PIGP: variants seen among roughly 807,000 people sequenced by gnomAD.
PIGP encodes phosphatidylinositol glycan anchor biosynthesis class P, also known as phosphatidylinositol N-acetylglucosaminyltransferase subunit P.
A neutral mutation model predicts 16.9 loss-of-function variants in PIGP; 12 were observed. The observed-to-expected ratio is 0.71, with a 90% CI of 0.46 to 1.15. The LOEUF (loss-of-function observed/expected upper bound fraction) is 1.15. Ranked by LOEUF, PIGP falls within the 50% of genes most tolerant of loss-of-function variation. The pLI, the probability that PIGP is intolerant of heterozygous loss-of-function variation, is 0.00. For synonymous variants in PIGP, 57 were observed against 54.7 expected, an observed-to-expected ratio of 1.04 and a Z score of -0.18; for missense variants, 159 against 153.5, an observed-to-expected ratio of 1.04 and a Z score of -0.19.
At chr21:37,072,781 C>G in intron 1 of PIGP, 1 of 592,350 alleles carries the variant, frequency 1.7e-6, no homozygotes, top group Non-Finnish European at 2.9e-6. Flanking sequence ...GACGCGCGCT[C>G]CAGCTCTGCA....
intron 3 of PIGP, 76 bp downstream of exon 3, chr21:37,069,476 G>T: frequency 1.2e-6 from 1 of 816,332 alleles, no homozygotes; most frequent in African/African-American, 1.7e-5. Context: ...TTAAGATTTG[G>T]GTAGGTTTAA....
At position 37,067,952 on chromosome 21, in the gene PIGP, G is replaced by A. The variant is rs2069934900; in HGVS notation, c.156-572C>T. ...TACCAGAGCCTCAAATTCTCTGATA[G>A]GACTCTATTATGCCTCTCAGTATCA... On this transcript the variant is annotated intron_variant, in intron 3 of 4. Coordinates refer to ENST00000360525, the MANE Select transcript of PIGP (RefSeq NM_153682.3). Among the ~76,000 whole-genome samples, 3 of 151,272 alleles carry A rather than the reference G, an allele frequency of 2.0e-5. No individual in the cohort carries two copies. The South Asian group carries it at 6.2e-4, about 31-fold the overall frequency.
chr21:37,069,516 A>G (rs750224510), intron 3 of PIGP, 36 bp downstream of exon 3: 1 of 1,266,746 alleles, frequency 7.9e-7, no homozygotes, highest in South Asian at 1.4e-5. Context: ...AAACAGCATT[A>G]ATTATATCCT....
intron 2 of PIGP, among the ~76,000 whole-genome samples, chr21:37,071,601 T>G (rs1291049291): frequency 6.6e-6 from 1 of 152,216 alleles, no homozygotes; most frequent in Non-Finnish European, 1.5e-5. Context: ...CTGCAAGCTG[T>G]GCTGATGGTG....
rs2070239782 is a variant in PIGP, at chr21:37,073,056, A to C, written c.-79T>G. The C allele has an allele frequency of 6.4e-6, 1 of 157,158 alleles. No homozygotes were observed. The highest frequency in any genetic ancestry group is 1.9e-4 in the East Asian group (1 of 5,294). The allele number at this position is 157,158 out of a possible 1,614,324, so 9.7% of individuals were successfully genotyped here. On this transcript the variant is annotated 5_prime_UTR_variant, in exon 1 of 5. Transcript: ENST00000360525. ...CTGGGGAGCCGCAGTGGGGAAGAGG[A>C]AAACCTGAGGGAAAGGCCTAGGCGC...
intron 4 of PIGP, 134 bp from the exon 5 acceptor site, chr21:37,065,846 G>A: frequency 3.1e-6 from 2 of 652,956 alleles, no homozygotes; most frequent in South Asian, 4.0e-5. Context: ...AACATAATTA[G>A]ATGATTACTT....
rs1569300430 is a variant in PIGP, at chr21:37,072,426, GT to G, written c.82+7del. 1 of 1,614,134 alleles carries G rather than the reference GT, an allele frequency of 6.2e-7. No homozygotes were observed. On this transcript the variant is annotated splice_region_variant and intron_variant, in intron 2 of 4. Coordinates refer to ENST00000360525, the MANE Select transcript of PIGP (RefSeq NM_153682.3). Reference sequence around the variant, plus strand: ...AAGCCCCTGGCCATCCATCAGGAAAGTACTTACTGAAGCCAAATTGGGAGCT... The same window carrying G: ...AAGCCCCTGGCCATCCATCAGGAAAGACTTACTGAAGCCAAATTGGGAGCT...
chr21:37,069,092 G>T (rs1474863353), intron 3 of PIGP, among the ~76,000 whole-genome samples: 1 of 152,280 alleles, frequency 6.6e-6, no homozygotes, highest in Non-Finnish European at 1.5e-5. Context: ...GTTCAACCCA[G>T]AATTAAAGAG....
chr21:37,065,706 T>A lies in PIGP; in HGVS notation c.281A>T (p.Tyr94Phe), dbSNP rs16994704. 1 of 1,612,640 alleles carries A rather than the reference T, an allele frequency of 6.2e-7. No homozygotes were observed. Among genetic ancestry groups the A allele is most frequent in the East Asian group, 2.2e-5 (1 of 44,786 alleles). Residue 94 changes from tyrosine (Y) to phenylalanine (F), a missense_variant, in exon 5 of 5, where the codon TAT becomes TTT. Physicochemically the swap from Tyr to Phe is conservative, Grantham distance 22 (BLOSUM62 3). Coordinates refer to ENST00000360525, the MANE Select transcript of PIGP (RefSeq NM_153682.3). ...LDSIHTITDNYAKNQQQKKYQ... is the reference protein window; with the variant it reads ...LDSIHTITDNFAKNQQQKKYQ... ...TTTCTTCTGCTGTTGATTTTTTGCA[T>A]AGTTATCTGTAAGAAAAGACCAAAA...
intron 3 of PIGP, among the ~76,000 whole-genome samples, chr21:37,067,764 C>A (rs570593158): frequency 6.6e-6 from 1 of 152,150 alleles, no homozygotes; most frequent in East Asian, 1.9e-4. Flanking sequence ...ATTGCAATTT[C>A]TCATTATAGC....
Position 37,072,186 on chromosome 21 carries a change from G to A in PIGP, c.82+248C>T, listed in dbSNP as rs914207759. On this transcript the variant is annotated intron_variant, in intron 2 of 4. Coordinates refer to ENST00000360525, the MANE Select transcript of PIGP (RefSeq NM_153682.3). ...CAAGACCACGACCTCCTTAAGGGCA[G>A]GGACCAGGCTTTATCCACTTTGCCA... is the stretch of plus-strand genomic sequence containing the variant. 4.0e-6 allele frequency: 6 copies of A among 1,515,488 alleles called. No homozygotes were observed. The Admixed American group carries it at 6.7e-5, about 17-fold the overall frequency. The allele number at this position is 1,515,488 out of a possible 1,614,324, so 93.9% of individuals were successfully genotyped here. A position where few individuals can be genotyped will look rare whatever the true frequency, so the allele number is the denominator to read the frequency against.
At position 37,066,357 on chromosome 21, in the gene PIGP, A is replaced by C. The variant is rs114204924; in HGVS notation, c.275-645T>G. ...TTTCCCCTCTTTGCACAAATTACCT[A>C]TTTGCTGCCAATTCCAATCAAGAAT... On this transcript the variant is annotated intron_variant, in intron 4 of 4. Coordinates refer to ENST00000360525, the MANE Select transcript of PIGP (RefSeq NM_153682.3). 8.3e-3 allele frequency among the ~76,000 whole-genome samples: 1,264 copies of C among 152,266 alleles called. 19 individuals carry two copies. Among genetic ancestry groups the C allele is most frequent in the African/African-American group, 0.029 (1,192 of 41,564 alleles).
chr21:37,068,235 C>G (rs144491676), intron 3 of PIGP, among the ~76,000 whole-genome samples: 2 of 150,288 alleles, frequency 1.3e-5, no homozygotes, highest in Non-Finnish European at 3.0e-5. Context: ...GATTTGTTCT[C>G]TATTATTTTC....
Position 37,072,647 on chromosome 21 carries a change from TCCCGCGCC to T in PIGP, c.-22-118_-22-111del, listed in dbSNP as rs1185646064. On this transcript the variant is annotated intron_variant, in intron 1 of 4. Transcript: ENST00000360525. ...ACGGCCCCCGCCGCGCAGAACCGCC[TCCCGCGCC>T]TCCGTCCGCAACCCGCGCCCCCGCC... is the stretch of plus-strand genomic sequence containing the variant. 347 of 1,572,816 alleles carry T rather than the reference TCCCGCGCC, an allele frequency of 2.2e-4. 1 individual carries two copies. The African/African-American group carries it at 4.4e-3, about 20-fold the overall frequency.
chr21:37,066,171 G>C (rs1233623665), intron 4 of PIGP, among the ~76,000 whole-genome samples: 1 of 151,606 alleles, frequency 6.6e-6, no homozygotes, highest in African/African-American at 2.4e-5. Flanking sequence ...CTCTAACTTG[G>C]AAAGAAATCA....
At chr21:37,067,724 T>A (rs1468161485) in intron 3 of PIGP, among the ~76,000 whole-genome samples, 1 of 152,228 alleles carries the variant, frequency 6.6e-6, no homozygotes, top group African/African-American at 2.4e-5. Flanking sequence ...GATAAGGAAT[T>A]AACCTCCTCC....
In PIGP at chr21:37,072,434, T is replaced by C. The variant is rs375492760; in HGVS notation, c.82A>G (p.Ile28Val). 5.0e-6 allele frequency: 8 copies of C among 1,614,072 alleles called. No individual in the cohort carries two copies. In the African/African-American group the frequency reaches 1.1e-4, roughly 22 times the overall value. Residue 28 changes from isoleucine to valine, a missense_variant and splice_region_variant, in exon 2 of 5, where the codon ATA (isoleucine) becomes GTA (valine). Transcript: ENST00000360525. Reference protein sequence around the residue: ...VLFLSSQFGFILYLVWAFIPE... With the variant: ...VLFLSSQFGFVLYLVWAFIPE... ...GGCCATCCATCAGGAAAGTACTTACTGAAGCCAAATTGGGAGCTTAAGAAA... is the reference window on the plus strand; with the variant it reads ...GGCCATCCATCAGGAAAGTACTTACCGAAGCCAAATTGGGAGCTTAAGAAA...
chr21:37,071,783 C>T (rs1374671956), intron 2 of PIGP, among the ~76,000 whole-genome samples: 1 of 152,086 alleles, frequency 6.6e-6, no homozygotes, highest in Admixed American at 6.6e-5. Context: ...TGTGAGTGGG[C>T]ATATTAGTGT....
intron 1 of PIGP, 76 bp from the exon 2 acceptor site, chr21:37,072,613 G>T: frequency 6.2e-7 from 1 of 1,603,758 alleles, no homozygotes. Context: ...TCCTCGCTCC[G>T]CCGCGGGTAC....
Sources: allele counts gnomAD v4.1 joint callset (sites outside exome capture counted in the v4.1 genomes callset), GRCh38; gene constraint gnomAD v4.1.1; transcripts MANE v1.5; gene names NCBI Gene and HGNC (gene_info 2026-07-23, HGNC 2026-07-21).